The following DCLK1 variants were observed in gnomAD, a reference collection of about 807,000 sequenced individuals.
DCLK1 encodes serine/threonine-protein kinase DCLK1.
Under a neutral mutation model 86.2 loss-of-function variants are expected in DCLK1, and 16 were observed. That is an observed-to-expected ratio of 0.19 (90% CI 0.13 to 0.28). The LOEUF (loss-of-function observed/expected upper bound fraction) is 0.28. Ranked by LOEUF, DCLK1 falls within the 10% of genes least tolerant of loss-of-function variation. The probability of loss-of-function intolerance (pLI) is 1.00; values close to 1 mark genes in which losing one functional copy is unlikely to be tolerated. For synonymous variants in DCLK1, 369 were observed against 370.5 expected (o/e 1.00, Z 0.05); for missense variants, 590 against 940.2 (o/e 0.63, Z 4.87).
At chr13:35,885,141 C>T (rs1448129953) in intron 4 of DCLK1, among the ~76,000 whole-genome samples, 1 of 152,080 alleles carries the variant, frequency 6.6e-6, no homozygotes, top group Non-Finnish European at 1.5e-5. Context: ...AGAGATTGTC[C>T]ACCAGGAATG....
chr13:35,867,148 T>C (rs1326831038), intron 5 of DCLK1, among the ~76,000 whole-genome samples: 1 of 152,196 alleles, frequency 6.6e-6, no homozygotes, highest in African/African-American at 2.4e-5. Flanking sequence ...CAAAGGAAAG[T>C]GGTAACAAGT....
chr13:36,121,701 T>C (rs1055774622), intron 2 of DCLK1, among the ~76,000 whole-genome samples: 1 of 152,198 alleles, frequency 6.6e-6, no homozygotes, highest in Non-Finnish European at 1.5e-5. Context: ...TCAGTACTAT[T>C]TGCAGTTTCA....
chr13:36,034,643 A>C (rs1395221071), intron 3 of DCLK1, among the ~76,000 whole-genome samples: 1 of 152,166 alleles, frequency 6.6e-6, no homozygotes, highest in Non-Finnish European at 1.5e-5. Context: ...AATTTCAGGA[A>C]ATTTTTACCC....
At position 35,790,222 on chromosome 13, in the gene DCLK1, A is replaced by G. The variant is rs1369241316; in HGVS notation, c.2058+3144T>C. Among the ~76,000 whole-genome samples, 4 of 152,222 alleles carry G rather than the reference A, an allele frequency of 2.6e-5. No individual in the cohort carries two copies. In the East Asian group the frequency reaches 7.7e-4, roughly 29 times the overall value. ...AAAAAACACTACAATTCAGAACATG[A>G]GTACATGTTAAACTACTCTCATATC... On this transcript the variant is annotated intron_variant, in intron 16 of 16. Transcript: ENST00000360631.
At chr13:36,017,534 G>A (rs1007436391) in intron 3 of DCLK1, among the ~76,000 whole-genome samples, 1 of 152,142 alleles carries the variant, frequency 6.6e-6, no homozygotes, top group African/African-American at 2.4e-5. Context: ...GTACTCTGGG[G>A]TATGGTATGA....
At chr13:35,789,899 A>C (rs1036063457) in intron 16 of DCLK1, among the ~76,000 whole-genome samples, 1 of 151,334 alleles carries the variant, frequency 6.6e-6, no homozygotes, top group Non-Finnish European at 1.5e-5. Context: ...TTTTTTTTCA[A>C]ATCCCCCAAC....
At chr13:36,078,884 G>T (rs1328041265) in intron 3 of DCLK1, among the ~76,000 whole-genome samples, 1 of 152,170 alleles carries the variant, frequency 6.6e-6, no homozygotes, top group Non-Finnish European at 1.5e-5. Context: ...GGCTTTGGAA[G>T]GCAACTCCCC....
chr13:35,955,940 AAG>A (rs1370349989), intron 3 of DCLK1, among the ~76,000 whole-genome samples: 2 of 152,166 alleles, frequency 1.3e-5, no homozygotes, highest in Non-Finnish European at 2.9e-5. Context: ...ATATCTGGGA[AAG>A]AGAGGTATGA....
At chr13:35,788,401 C>T in intron 16 of DCLK1, 1 of 902,552 alleles carries the variant, frequency 1.1e-6, no homozygotes, top group Non-Finnish European at 1.8e-6. Context: ...GATGCCTCTT[C>T]TGCAGGGTAA....
At chr13:35,862,682 C>T (rs1871491654) in intron 5 of DCLK1, among the ~76,000 whole-genome samples, 1 of 152,196 alleles carries the variant, frequency 6.6e-6, no homozygotes, top group South Asian at 2.1e-4. Context: ...AGAATTCTAT[C>T]CTGCATTTTT....
At chr13:36,068,564 CT>C (rs10591840) in intron 3 of DCLK1, among the ~76,000 whole-genome samples, 55,607 of 150,504 alleles carry the variant, frequency 0.37, 11,582 homozygotes, top group East Asian at 0.81. Flanking sequence ...AGAGAACAGT[CT>C]TTTTTTTTTT....
At chr13:35,842,206 G>A (rs565304605) in intron 6 of DCLK1, among the ~76,000 whole-genome samples, 163 of 127,626 alleles carry the variant, frequency 1.3e-3, no homozygotes, top group Middle Eastern at 5.7e-3. Context: ...TCCAGCCTGG[G>A]CGACTGAGTG....
rs558908558 is a variant in DCLK1, at chr13:36,098,346, C to A, written c.723+13523G>T. Among the ~76,000 whole-genome samples, 4 of 152,296 alleles carry A rather than the reference C, an allele frequency of 2.6e-5. No individual in the cohort carries two copies. The East Asian group carries it at 7.7e-4, about 29-fold the overall frequency. On this transcript the variant is annotated intron_variant, in intron 3 of 16. Transcript: ENST00000360631. The stretch of plus-strand genomic sequence containing the variant: ...AGGTGTTATCACTCATTTTCTGGCA[C>A]AGAGCTGGTGCACTATCCCAGAACT...
chr13:36,100,239 C>A (rs1447258657), intron 3 of DCLK1, among the ~76,000 whole-genome samples: 1 of 141,400 alleles, frequency 7.1e-6, no homozygotes, highest in Admixed American at 7.3e-5. Flanking sequence ...ATTAGCCAGG[C>A]ATGGTGGTGG....
intron 4 of DCLK1, among the ~76,000 whole-genome samples, chr13:35,888,518 A>T (rs567577977): frequency 7.2e-6 from 1 of 139,220 alleles, no homozygotes; most frequent in Non-Finnish European, 1.5e-5. Flanking sequence ...TGAATTCCCC[A>T]TGCAGTACTT....
At chr13:36,129,791 G>C (rs1326848313) in intron 1 of DCLK1, among the ~76,000 whole-genome samples, 1 of 152,106 alleles carries the variant, frequency 6.6e-6, no homozygotes, top group Non-Finnish European at 1.5e-5. Flanking sequence ...CTGGAGGTAA[G>C]AAGGGCCACT....
At chr13:35,829,783 A>G (rs1002718454) in intron 8 of DCLK1, among the ~76,000 whole-genome samples, 4 of 152,200 alleles carry the variant, frequency 2.6e-5, no homozygotes, top group African/African-American at 9.6e-5. Flanking sequence ...AGGTGGTAGA[A>G]GGTAAACCCT....
At chr13:35,827,512 A>G (rs1443960914) in intron 10 of DCLK1, 123 bp downstream of exon 10, 1 of 1,189,032 alleles carries the variant, frequency 8.4e-7, no homozygotes, top group East Asian at 2.5e-5. Flanking sequence ...ATTCCTAATC[A>G]CTGGGCCAAT....
At chr13:36,008,146 T>C (rs1472704617) in intron 3 of DCLK1, among the ~76,000 whole-genome samples, 1 of 107,892 alleles carries the variant, frequency 9.3e-6, no homozygotes, top group East Asian at 3.4e-4. Context: ...AAAATTTTTT[T>C]TTTTTTTTTT....
Sources: gnomAD v4.1 joint callset for allele counts (sites outside exome capture counted in the v4.1 genomes callset) on GRCh38, gnomAD v4.1.1 for gene constraint, MANE v1.5 for transcripts, NCBI Gene and HGNC (gene_info 2026-07-23, HGNC 2026-07-21) for gene names.